The following CYP4X1 variants were observed in gnomAD, a reference collection of about 807,000 sequenced individuals.
The protein encoded by CYP4X1 is cytochrome P450 family 4 subfamily X member 1.
Under a neutral mutation model 57.9 loss-of-function variants are expected in CYP4X1, and 44 were observed. The ratio of observed to expected loss-of-function variants is 0.76; its 90% CI spans 0.60 to 0.98. The LOEUF is 0.98. Among genes scored for constraint, CYP4X1 ranks in the 50% least tolerant of loss-of-function variants. The pLI is 0.00. For synonymous variants in CYP4X1, 227 were observed against 228.6 expected (o/e 0.99, Z 0.06); for missense variants, 532 against 623.9 (o/e 0.85, Z 1.57).
At chr1:46,972,831 G>A in the CYP4X1 span, among the ~76,000 whole-genome samples, 1 of 152,056 alleles carries the variant, frequency 6.6e-6, no homozygotes, top group Non-Finnish European at 1.5e-5. Flanking sequence ...GGAGCCTTTG[G>A]ACAGAGAGTA....
chr1:47,036,096 A>G lies in CYP4X1; in HGVS notation c.700A>G (p.Ser234Gly). Reference protein sequence around the residue: ...FHRLYSLLYHSDIIFKLSPQG... With the variant: ...FHRLYSLLYHGDIIFKLSPQG... ...CCGCTTGTACAGTTTGTTGTATCAC[A>G]GTGACATAATTTTCAAACTCAGCCC... is the stretch of plus-strand genomic sequence containing the variant. The change falls in exon 6 of 12, where the codon AGT becomes GGT. Residue 234 changes from serine to glycine, a missense_variant. Transcript: ENST00000371901. 2 of 1,613,824 alleles carry G rather than the reference A, an allele frequency of 1.2e-6. No individual in the cohort carries two copies. Among genetic ancestry groups the G allele is most frequent in the African/African-American group, 2.7e-5 (2 of 75,004 alleles).
chr1:47,043,921 C>G (rs1160034770), intron 8 of CYP4X1, among the ~76,000 whole-genome samples: 8 of 152,108 alleles, frequency 5.3e-5, no homozygotes, highest in African/African-American at 1.9e-4. Flanking sequence ...CCTTTGCTCT[C>G]TTTTGGTTTC....
At chr1:47,049,615 G>T in intron 11 of CYP4X1, 111 bp downstream of exon 11, 2 of 961,034 alleles carry the variant, frequency 2.1e-6, no homozygotes, top group Non-Finnish European at 3.3e-6. Flanking sequence ...GTAGATCTTG[G>T]TGCCTATTTG....
the CYP4X1 span, among the ~76,000 whole-genome samples, chr1:46,974,157 G>C: frequency 3.3e-5 from 5 of 151,976 alleles, no homozygotes. Context: ...TTTGATTTCT[G>C]TCTTAATTCA....
downstream of CYP4X1, among the ~76,000 whole-genome samples, chr1:47,053,860 C>T (rs1418013982): frequency 1.3e-5 from 2 of 152,150 alleles, no homozygotes; most frequent in African/African-American, 2.4e-5. Flanking sequence ...TTCTCCCATT[C>T]TGTAGGTTGC....
chr1:46,971,297 C>T, the CYP4X1 span, among the ~76,000 whole-genome samples: 2 of 152,264 alleles, frequency 1.3e-5, no homozygotes, highest in African/African-American at 4.8e-5. Context: ...TGTATGTGTA[C>T]CACATTTTCT....
the CYP4X1 span, among the ~76,000 whole-genome samples, chr1:46,991,036 CT>C: frequency 1.4e-5 from 2 of 146,120 alleles, no homozygotes; most frequent in African/African-American, 5.0e-5. Context: ...TATCCCAGAA[CT>C]TAAAAAAAAA....
At chr1:46,968,386 G>A in the CYP4X1 span, among the ~76,000 whole-genome samples, 1 of 152,112 alleles carries the variant, frequency 6.6e-6, no homozygotes, top group Non-Finnish European at 1.5e-5. Flanking sequence ...CTTCATCACA[G>A]CTGGGCAGCA....
At chr1:46,981,398 T>C in the CYP4X1 span, among the ~76,000 whole-genome samples, 1,999 of 152,178 alleles carry the variant, frequency 0.013, 44 homozygotes, top group African/African-American at 0.046. Context: ...TCATCACTGG[T>C]CATCAGAGAA....
intron 9 of CYP4X1, 124 bp downstream of exon 9, chr1:47,046,724 G>T: frequency 7.1e-7 from 1 of 1,407,792 alleles, no homozygotes; most frequent in East Asian, 2.3e-5. Context: ...ATGTGACTTA[G>T]GTTTTATCAC....
chr1:46,965,808 C>CTA, the CYP4X1 span, among the ~76,000 whole-genome samples: 1 of 152,220 alleles, frequency 6.6e-6, no homozygotes, highest in African/African-American at 2.4e-5. Context: ...GCTGGAATGT[C>CTA]TGAGTTGGCC....
Position 47,038,702 on chromosome 1 carries a change from T to C in CYP4X1, c.818T>C (p.Val273Ala). 1 of 1,610,986 alleles carries C rather than the reference T, an allele frequency of 6.2e-7. No homozygotes were observed. Among genetic ancestry groups the C allele is most frequent in the Non-Finnish European group, 8.5e-7 (1 of 1,178,600 alleles). The change falls in exon 7 of 12, where the codon GTA (valine) becomes GCA (alanine). Residue 273 changes from valine (V) to alanine (A), a missense_variant. By Grantham distance (64) the Val-to-Ala change is moderately conservative. Transcript: ENST00000371901. The stretch of plus-strand genomic sequence containing the variant: ...AGAAAGAAATCCCTCCAGGCTGGGG[T>C]AAAGCAGGATAACACTCCGAAGAGG... ...QERKKSLQAG[V>A]KQDNTPKRKY... is the part of the protein sequence containing the mutation.
At chr1:47,051,767 G>T (rs1392892231), downstream of CYP4X1, among the ~76,000 whole-genome samples, 26 of 152,118 alleles carry the variant, frequency 1.7e-4, no homozygotes, top group Admixed American at 1.7e-3. Context: ...TATTTTGTCA[G>T]CTGGTATACC....
At chr1:46,979,143 G>A in the CYP4X1 span, among the ~76,000 whole-genome samples, 17 of 152,218 alleles carry the variant, frequency 1.1e-4, no homozygotes, top group African/African-American at 3.9e-4. Context: ...AACTGAAGGA[G>A]ATAGAGACAC....
In CYP4X1 at chr1:47,033,185, A is replaced by G. The variant is rs942411497; in HGVS notation, c.365-56A>G. On this transcript the variant is annotated intron_variant, in intron 3 of 11. Coordinates refer to ENST00000371901, the MANE Select transcript of CYP4X1 (RefSeq NM_178033.2). ...TCCACGCTGCCTGTGTTCCTCATCT[A>G]TCCTTCATCTCATCTAATTAAATGG... 1.2e-5 allele frequency: 19 copies of G among 1,583,768 alleles called. 1 individual carries two copies. Among genetic ancestry groups the G allele is most frequent in the South Asian group, 9.4e-5 (8 of 85,228 alleles).
At chr1:47,015,562 C>T in the CYP4X1 span, among the ~76,000 whole-genome samples, 1 of 152,138 alleles carries the variant, frequency 6.6e-6, no homozygotes, top group Non-Finnish European at 1.5e-5. Flanking sequence ...CCCTTCAAAA[C>T]CAAAACTACT....
intron 1 of CYP4X1, among the ~76,000 whole-genome samples, chr1:47,029,744 C>T (rs1431475486): frequency 6.6e-6 from 1 of 152,194 alleles, no homozygotes; most frequent in Non-Finnish European, 1.5e-5. Context: ...CAGTAAATGT[C>T]ATTCAACAGT....
At chr1:46,988,564 T>G in the CYP4X1 span, among the ~76,000 whole-genome samples, 1 of 152,064 alleles carries the variant, frequency 6.6e-6, no homozygotes, top group Non-Finnish European at 1.5e-5. Context: ...TACCAAAACC[T>G]GGCAGAGACA....
At chr1:46,981,685 A>G in the CYP4X1 span, among the ~76,000 whole-genome samples, 1 of 152,248 alleles carries the variant, frequency 6.6e-6, no homozygotes, top group Non-Finnish European at 1.5e-5. Flanking sequence ...ATGCACATGT[A>G]TGTTTATTGC....
Sources: gnomAD v4.1 joint callset for allele counts (sites outside exome capture counted in the v4.1 genomes callset) on GRCh38, gnomAD v4.1.1 for gene constraint, MANE v1.5 for transcripts, NCBI Gene and HGNC (gene_info 2026-07-23, HGNC 2026-07-21) for gene names.